The following YPEL2 variants were observed in gnomAD, a reference collection of about 807,000 sequenced individuals.
The protein encoded by YPEL2 is yippee like 2, also known as protein yippee-like 2.
In YPEL2, 2 loss-of-function variants were observed where a neutral mutation model predicts 19.1. The observed-to-expected ratio is 0.10, with a 90% CI of 0.04 to 0.33. The LOEUF (loss-of-function observed/expected upper bound fraction) is 0.33. Among genes scored for constraint, YPEL2 ranks in the 10% least tolerant of loss-of-function variants. YPEL2 has a pLI of 1.00. For synonymous variants in YPEL2, 52 were observed against 50.0 expected, an observed-to-expected ratio of 1.04 and a Z score of -0.17; for missense variants, 66 against 140.7, an observed-to-expected ratio of 0.47 and a Z score of 2.68.
chr17:59,350,833 C>T (rs2047784018), intron 1 of YPEL2, among the ~76,000 whole-genome samples: 1 of 152,170 alleles, frequency 6.6e-6, no homozygotes, highest in African/African-American at 2.4e-5. Flanking sequence ...TATCTGCTCT[C>T]TAAACTCAGC....
intron 2 of YPEL2, chr17:59,355,432 AT>A (rs1567739075): frequency 6.6e-6 from 1 of 152,184 alleles, no homozygotes; most frequent in East Asian, 1.9e-4. Flanking sequence ...GCCTTTGACA[AT>A]TTGGCAGAGT....
chr17:59,364,698 A>G (rs902607956), intron 2 of YPEL2, among the ~76,000 whole-genome samples: 1 of 148,176 alleles, frequency 6.7e-6, no homozygotes, highest in African/African-American at 2.5e-5. Context: ...GCTCACTGCA[A>G]CCTCCACCTC....
chr17:59,395,525 G>C (rs958681049), intron 4 of YPEL2, among the ~76,000 whole-genome samples: 1 of 152,100 alleles, frequency 6.6e-6, no homozygotes, highest in Non-Finnish European at 1.5e-5. Context: ...CTGTTTATTC[G>C]CTGGGAGAGC....
At chr17:59,341,911 C>T (rs1178617867) in intron 1 of YPEL2, among the ~76,000 whole-genome samples, 1 of 152,200 alleles carries the variant, frequency 6.6e-6, no homozygotes, top group Non-Finnish European at 1.5e-5. Context: ...CACTGGATGA[C>T]AGTTTAATAA....
At chr17:59,352,930 G>A (rs987715387) in intron 1 of YPEL2, among the ~76,000 whole-genome samples, 2 of 152,170 alleles carry the variant, frequency 1.3e-5, no homozygotes, top group African/African-American at 4.8e-5. Flanking sequence ...CAAGCCTGAT[G>A]TTATCTAGGG....
intron 4 of YPEL2, among the ~76,000 whole-genome samples, chr17:59,395,594 T>G (rs1376482506): frequency 1.3e-5 from 2 of 152,160 alleles, no homozygotes; most frequent in African/African-American, 4.8e-5. Context: ...ACGTTCTCCC[T>G]CTGGGGGCCT....
chr17:59,380,250 C>G (rs1369969455), intron 2 of YPEL2, among the ~76,000 whole-genome samples: 1 of 148,662 alleles, frequency 6.7e-6, no homozygotes, highest in Non-Finnish European at 1.5e-5. Flanking sequence ...TTATGAAGCA[C>G]TTGATAAACA....
intron 2 of YPEL2, among the ~76,000 whole-genome samples, chr17:59,364,630 T>G (rs1235039067): frequency 6.9e-6 from 1 of 144,484 alleles, no homozygotes; most frequent in East Asian, 2.0e-4. Context: ...TTTTTTTTTT[T>G]TTTTTGAGAC....
At chr17:59,355,248 G>C (rs754480853) in intron 2 of YPEL2, 1 of 152,216 alleles carries the variant, frequency 6.6e-6, no homozygotes, top group African/African-American at 2.4e-5. Context: ...ACTTGTCCAA[G>C]ATGTCAAATC....
intron 1 of YPEL2, among the ~76,000 whole-genome samples, chr17:59,344,715 G>A (rs2047747667): frequency 6.6e-6 from 1 of 152,072 alleles, no homozygotes; most frequent in Non-Finnish European, 1.5e-5. Context: ...CCAAAATCAC[G>A]CCACTGCACT....
intron 4 of YPEL2, among the ~76,000 whole-genome samples, chr17:59,391,710 C>T (rs1364444027): frequency 1.3e-5 from 2 of 151,872 alleles, no homozygotes; most frequent in Non-Finnish European, 2.9e-5. Context: ...CCCGCCTGGC[C>T]AACATATAGT....
intron 2 of YPEL2, among the ~76,000 whole-genome samples, chr17:59,361,064 T>C (rs2047838232): frequency 1.3e-5 from 2 of 152,152 alleles, no homozygotes; most frequent in African/African-American, 4.8e-5. Context: ...CCTCCTGACC[T>C]CAAGCAATCC....
At chr17:59,367,136 G>T (rs1255252066) in intron 2 of YPEL2, among the ~76,000 whole-genome samples, 3 of 152,218 alleles carry the variant, frequency 2.0e-5, no homozygotes, top group East Asian at 3.8e-4. Flanking sequence ...GATTTCTCAT[G>T]TCTTTGTTTA....
chr17:59,378,556 G>A (rs1598046707), intron 2 of YPEL2, among the ~76,000 whole-genome samples: 1 of 152,034 alleles, frequency 6.6e-6, no homozygotes, highest in East Asian at 1.9e-4. Flanking sequence ...GGCTCGTCTT[G>A]AACTCCCTGA....
chr17:59,339,561 C>G (rs2047717328), intron 1 of YPEL2, among the ~76,000 whole-genome samples: 1 of 152,150 alleles, frequency 6.6e-6, no homozygotes, highest in African/African-American at 2.4e-5. Context: ...AACTTGACGT[C>G]TTCATTTTGC....
intron 1 of YPEL2, among the ~76,000 whole-genome samples, chr17:59,336,485 C>G (rs1201395202): frequency 6.6e-6 from 1 of 152,198 alleles, no homozygotes; most frequent in Non-Finnish European, 1.5e-5. Flanking sequence ...ACTTTGGAAT[C>G]AGAAAGACCT....
At chr17:59,385,666 G>A (rs1311673977) in intron 2 of YPEL2, among the ~76,000 whole-genome samples, 1 of 152,120 alleles carries the variant, frequency 6.6e-6, no homozygotes, top group Non-Finnish European at 1.5e-5. Context: ...GAGGAGGGGA[G>A]GATTCAGAGG....
intron 2 of YPEL2, among the ~76,000 whole-genome samples, chr17:59,379,297 T>G (rs2047937292): frequency 6.6e-6 from 1 of 150,806 alleles, no homozygotes; most frequent in South Asian, 2.1e-4. Flanking sequence ...TTCCAACTCT[T>G]TGGAATGGAA....
chr17:59,332,032 A>G (rs1406498983), intron 1 of YPEL2, among the ~76,000 whole-genome samples: 1 of 151,290 alleles, frequency 6.6e-6, no homozygotes, highest in Non-Finnish European at 1.5e-5. Flanking sequence ...CGGTTTGTTT[A>G]CAAACACTGC....
Sources: allele counts gnomAD v4.1 joint callset (sites outside exome capture counted in the v4.1 genomes callset), GRCh38; gene constraint gnomAD v4.1.1; transcripts MANE v1.5; gene names NCBI Gene and HGNC (gene_info 2026-07-23, HGNC 2026-07-21).